PSG9: variants seen among roughly 807,000 people sequenced by gnomAD.
The protein encoded by PSG9 is pregnancy-specific beta-1-glycoprotein 9.
Under a neutral mutation model 41.9 loss-of-function variants are expected in PSG9, and 49 were observed. The observed-to-expected ratio is 1.17, with a 90% CI of 0.93 to 1.48. The LOEUF (loss-of-function observed/expected upper bound fraction) is 1.48. Among genes scored for constraint, PSG9 ranks in the 40% most tolerant of loss-of-function variants. The pLI, the probability that PSG9 is intolerant of heterozygous loss-of-function variation, is 0.00. For synonymous variants in PSG9, 263 were observed against 196.8 expected (o/e 1.34, Z -2.82); for missense variants, 641 against 520.3 (o/e 1.23, Z -2.26).
At chr19:43,256,602 G>A (rs746129445) in intron 5 of PSG9, among the ~76,000 whole-genome samples, 1 of 146,306 alleles carries the variant, frequency 6.8e-6, no homozygotes, top group Non-Finnish European at 1.5e-5. Context: ...TCAGCATCAC[G>A]AATACCTGGA....
At chr19:43,264,460 A>G (rs1400536452) in intron 2 of PSG9, among the ~76,000 whole-genome samples, 1 of 151,442 alleles carries the variant, frequency 6.6e-6, no homozygotes, top group East Asian at 1.9e-4. Context: ...TTTCTCTGAC[A>G]GCATTTTTTT....
intron 1 of PSG9, among the ~76,000 whole-genome samples, chr19:43,268,739 TG>T (rs2122138894): frequency 6.6e-6 from 1 of 152,148 alleles, no homozygotes; most frequent in Non-Finnish European, 1.5e-5. Flanking sequence ...ATGCCCTGGG[TG>T]TTTTTTTTTC....
In PSG9 at chr19:43,258,743, T is replaced by G. The variant is rs181292962; in HGVS notation, c.988+114A>C. On this transcript the variant is annotated intron_variant, in intron 4 of 5. Transcript: ENST00000270077. ...GGCAGGGAGTCATGGCCACCTCGGA[T>G]GTCTAGAAGTAAAGGTGTCTATACT... 279 of 1,483,212 alleles carry G rather than the reference T, an allele frequency of 1.9e-4. 72 individuals carry two copies. In the East Asian group the frequency reaches 7.1e-3, roughly 38 times the overall value. 91.9% of individuals were successfully genotyped at this position (1,483,212 alleles called of 1,614,324 possible). A position where few individuals can be genotyped will look rare whatever the true frequency, so the allele number is the denominator to read the frequency against.
rs763725768 is a variant in PSG9 at position 43,258,943 on chromosome 19, G to A, written c.902C>T (p.Thr301Met). ...TTGATAGGGTCCTGTTTCATTTCTC[G>A]TGACACTGGGTAGAATGAGTATCCT... The part of the protein sequence containing the change: ...ENRILILPSV[T>M]RNETGPYQCE... The change falls in exon 4 of 6, where the codon ACG (threonine) becomes ATG (methionine). Residue 301 changes from threonine (T) to methionine (M), a missense_variant. Thr to Met is a moderately conservative substitution (Grantham distance 81). Transcript: ENST00000270077. 58 of 1,589,850 alleles carry A rather than the reference G, an allele frequency of 3.6e-5. 10 individuals carry two copies. In the East Asian group the frequency reaches 5.6e-4, roughly 15 times the overall value.
intron 3 of PSG9, among the ~76,000 whole-genome samples, chr19:43,261,423 G>C (rs55832852): frequency 6.6e-6 from 1 of 152,162 alleles, no homozygotes; most frequent in East Asian, 1.9e-4. Flanking sequence ...TATGGTAATA[G>C]ATGTATGAGG....
chr19:43,262,407 C>G (rs1968768996), intron 2 of PSG9, among the ~76,000 whole-genome samples: 2 of 152,252 alleles, frequency 1.3e-5, no homozygotes, highest in Admixed American at 1.3e-4. Context: ...GACCAGCAGT[C>G]ACAGCCCCTG....
At chr19:43,254,317 G>C (rs1259605550) in intron 5 of PSG9, among the ~76,000 whole-genome samples, 3 of 146,398 alleles carry the variant, frequency 2.0e-5, no homozygotes, top group Non-Finnish European at 3.0e-5. Flanking sequence ...TCTGAGATTT[G>C]ATTCTAGGAC....
At chr19:43,260,177 G>A (rs1325886665) in intron 3 of PSG9, 3 of 147,324 alleles carry the variant, frequency 2.0e-5, no homozygotes, top group African/African-American at 7.7e-5. Context: ...GTTGCCAGGA[G>A]CTGGGAGTGG....
In PSG9 at chr19:43,261,956, A is replaced by G. The variant is rs1196054071; in HGVS notation, c.613T>C (p.Phe205Leu). The stretch of plus-strand genomic sequence containing the variant: ...CCTGCAATATACTTTGTGACACCAA[A>G]TAGATAGAGGGTCCTGTTGGTTTTG... Reference protein sequence around the residue: ...LSKTNRTLYLFGVTKYIAGPY... With the variant: ...LSKTNRTLYLLGVTKYIAGPY... Residue 205 changes from phenylalanine (F) to leucine (L), a missense_variant, in exon 3 of 6, where the codon TTT (phenylalanine) becomes CTT (leucine). By Grantham distance (22) the Phe-to-Leu change is conservative (BLOSUM62 0). Coordinates refer to ENST00000270077, the MANE Select transcript of PSG9 (RefSeq NM_002784.5). The G allele has an allele frequency of 6.2e-7, 1 of 1,612,626 alleles. No individual in the cohort carries two copies. Among genetic ancestry groups the G allele is most frequent in the African/African-American group, 1.3e-5 (1 of 74,816 alleles).
intron 1 of PSG9, among the ~76,000 whole-genome samples, chr19:43,268,560 G>C (rs992699572): frequency 2.0e-5 from 3 of 152,080 alleles, no homozygotes; most frequent in African/African-American, 7.2e-5. Context: ...CTCCCTCCAG[G>C]GTTCTTGTCA....
At position 43,258,880 on chromosome 19, in the gene PSG9, T is replaced by C; in HGVS notation, c.965A>G (p.Asn322Ser). The C allele has an allele frequency of 6.3e-7, 1 of 1,585,220 alleles. No individual in the cohort carries two copies. The highest frequency in any genetic ancestry group is 8.5e-7 in the Non-Finnish European group (1 of 1,170,812). ...IRDRYGGLRSNPVILNVLYGP... is the reference protein window; with the variant it reads ...IRDRYGGLRSSPVILNVLYGP... ...ACAGAGGACATTTAGGATGACTGGG[T>C]TACTGCGGAGGCCACCATATCGGTC... Residue 322 changes from asparagine (N) to serine (S), a missense_variant, in exon 4 of 6, where the codon AAC (asparagine) becomes AGC (serine). Asn to Ser is a conservative substitution (Grantham distance 46). Transcript: ENST00000270077.
At chr19:43,257,838 A>C in intron 5 of PSG9, 1 of 1,364,590 alleles carries the variant, frequency 7.3e-7, no homozygotes, top group Non-Finnish European at 9.4e-7. Flanking sequence ...AGCTCATGGA[A>C]TAGGTACAAG....
chr19:43,256,486 A>G (rs1968448387), intron 5 of PSG9, among the ~76,000 whole-genome samples: 1 of 146,960 alleles, frequency 6.8e-6, no homozygotes, highest in Admixed American at 6.8e-5. Context: ...CTACAAGTCA[A>G]CAACAACAAA....
Position 43,263,557 on chromosome 19 carries a change from G to C in PSG9, c.431-1419C>G, listed in dbSNP as rs558441725. On this transcript the variant is annotated intron_variant, in intron 2 of 5. Coordinates refer to ENST00000270077, the MANE Select transcript of PSG9 (RefSeq NM_002784.5). ...ATTTTCCCATAAAAAGTTGTCAGGAGTTTAGACCTCATGTTGTGTTCTGAC... is the reference window on the plus strand; with the variant it reads ...ATTTTCCCATAAAAAGTTGTCAGGACTTTAGACCTCATGTTGTGTTCTGAC... 9.3e-5 allele frequency among the ~76,000 whole-genome samples: 14 copies of C among 150,126 alleles called. No homozygotes were observed. In the East Asian group the frequency reaches 1.8e-3, roughly 19 times the overall value.
Position 43,258,332 on chromosome 19 carries a change from C to T in PSG9, c.1113G>A (p.Lys371=). ...AGAGCTTTTGTCCTGATTGCTGAAA[C>T]TTCCCATTAATTGTCCAAAAATACT... The part of the protein sequence containing the change: ...PAEYFWTING[K]FQQSGQKLFI... Residue 371 remains lysine, a synonymous_variant, in exon 5 of 6, where the codon AAG becomes AAA. Coordinates refer to ENST00000270077, the MANE Select transcript of PSG9 (RefSeq NM_002784.5). 3.8e-6 allele frequency: 6 copies of T among 1,592,966 alleles called. No individual in the cohort carries two copies. Among genetic ancestry groups the T allele is most frequent in the South Asian group, 2.2e-5 (2 of 89,966 alleles).
rs376802863 is a variant in PSG9 at position 43,268,139 on chromosome 19, T to C, written c.75A>G (p.Leu25=). 3.6e-5 allele frequency: 57 copies of C among 1,604,644 alleles called. No individual in the cohort carries two copies. In the African/African-American group the frequency reaches 6.8e-4, roughly 19 times the overall value. ...WKGLLLTASL[L]NFWNPPTTAE... ...CAGTGGTGGGCGGGTTCCAGAAGTT[T>C]AAAAGTGATGCTAGGAGGGGGAGAC... is the stretch of plus-strand genomic sequence containing the variant. Residue 25 remains leucine, a synonymous_variant, in exon 2 of 6, where the codon TTA becomes TTG. Coordinates refer to ENST00000270077, the MANE Select transcript of PSG9 (RefSeq NM_002784.5).
At chr19:43,268,181 G>T (rs1969072442) in intron 1 of PSG9, 32 bp from the exon 2 acceptor site, 3 of 1,568,280 alleles carry the variant, frequency 1.9e-6, no homozygotes, top group Non-Finnish European at 2.6e-6. Flanking sequence ...AGTTAATATT[G>T]AGACCTATGT....
rs148503035 is a variant in PSG9, at chr19:43,261,645, C to A, written c.709+215G>T. On this transcript the variant is annotated intron_variant, in intron 3 of 5. Transcript: ENST00000270077. ...TGTTTCTCCCATCACAAGCTGTGGA[C>A]CCAGAGTCTCCCATGACACAGCAGC... 1.1e-3 allele frequency among the ~76,000 whole-genome samples: 162 copies of A among 152,204 alleles called. 1 individual carries two copies. Among genetic ancestry groups the A allele is most frequent in the African/African-American group, 1.5e-3 (63 of 41,542 alleles).
At chr19:43,264,767 T>C (rs1176295786) in intron 2 of PSG9, among the ~76,000 whole-genome samples, 4 of 152,238 alleles carry the variant, frequency 2.6e-5, no homozygotes, top group African/African-American at 9.6e-5. Context: ...TGAGGGATTT[T>C]AATGAGTTGT....
Sources: allele counts gnomAD v4.1 joint callset (sites outside exome capture counted in the v4.1 genomes callset), GRCh38; gene constraint gnomAD v4.1.1; transcripts MANE v1.5; gene names NCBI Gene and HGNC (gene_info 2026-07-23, HGNC 2026-07-21).